Variants in PPP2R2C observed in about 807,000 individuals in gnomAD.
The protein encoded by PPP2R2C is protein phosphatase 2 regulatory subunit Bgamma, also known as protein phosphatase 2, regulatory subunit B, gamma.
PPP2R2C carries 10 observed loss-of-function variants against 45.3 expected under a neutral mutation model. That is an observed-to-expected ratio of 0.22 (90% CI 0.14 to 0.37). The LOEUF is 0.37. PPP2R2C is among the 10% of genes least tolerant of loss of function. The pLI is 1.00. For synonymous variants in PPP2R2C, 257 were observed against 245.4 expected, an observed-to-expected ratio of 1.05 and a Z score of -0.44; for missense variants, 308 against 619.7, an observed-to-expected ratio of 0.50 and a Z score of 5.34.
At chr4:6,375,748 G>A in intron 4 of PPP2R2C, 71 bp downstream of exon 4, 1 of 1,307,718 alleles carries the variant, frequency 7.6e-7, no homozygotes, top group Non-Finnish European at 1.1e-6. Context: ...AATCTCAAAG[G>A]CTTTTCCAGC....
chr4:6,518,920 CTT>C (rs1226254051), intron 2 of PPP2R2C, among the ~76,000 whole-genome samples: 1 of 28,690 alleles, frequency 3.5e-5, no homozygotes, highest in African/African-American at 1.3e-4. Flanking sequence ...AAGACTCTGT[CTT>C]AAAAAAAAAA....
At chr4:6,488,520 C>CA (rs1722598628) in intron 2 of PPP2R2C, among the ~76,000 whole-genome samples, 1 of 151,800 alleles carries the variant, frequency 6.6e-6, no homozygotes, top group South Asian at 2.1e-4. Flanking sequence ...CCTGTCTCTA[C>CA]AAAAAATGGA....
At chr4:6,529,951 C>T (rs1441993207) in intron 2 of PPP2R2C, among the ~76,000 whole-genome samples, 1 of 152,014 alleles carries the variant, frequency 6.6e-6, no homozygotes, top group Admixed American at 6.5e-5. Context: ...GTGACGGAGC[C>T]CACTATTCCC....
At chr4:6,507,356 G>A (rs894224845) in intron 2 of PPP2R2C, among the ~76,000 whole-genome samples, 1 of 152,222 alleles carries the variant, frequency 6.6e-6, no homozygotes, top group Non-Finnish European at 1.5e-5. Flanking sequence ...TTGGGCAAAT[G>A]TACTGATGCT....
intron 8 of PPP2R2C, among the ~76,000 whole-genome samples, chr4:6,325,957 T>C (rs989328210): frequency 6.6e-6 from 1 of 152,204 alleles, no homozygotes; most frequent in African/African-American, 2.4e-5. Context: ...GGAGAAGTGT[T>C]TGACTCCAGG....
At chr4:6,376,949 C>T (rs1005487082) in intron 3 of PPP2R2C, among the ~76,000 whole-genome samples, 1 of 152,178 alleles carries the variant, frequency 6.6e-6, no homozygotes, top group Non-Finnish European at 1.5e-5. Flanking sequence ...ATCAGAACAG[C>T]AGGTGCCCAG....
intron 2 of PPP2R2C, among the ~76,000 whole-genome samples, chr4:6,481,849 CG>C (rs1722362683): frequency 6.6e-6 from 1 of 151,880 alleles, no homozygotes; most frequent in Non-Finnish European, 1.5e-5. Flanking sequence ...CATGGTGGCA[CG>C]TGCCTGTAGT....
In PPP2R2C at chr4:6,383,741, C is replaced by A. The variant is rs200519881; in HGVS notation, c.71-2647G>T. On this transcript the variant is annotated intron_variant, in intron 1 of 8. Transcript: ENST00000382599. ...ATCATCTGTAGGCTCTCTTCCTGGC[C>A]AGAACGTAAACTTCATGAGGGCAGG... The A allele has an allele frequency of 8.1e-6, 7 of 864,816 alleles. No homozygotes were observed. In the East Asian group the frequency reaches 6.1e-4, roughly 75 times the overall value. The allele number at this position is 864,816 out of a possible 1,614,324, so 53.6% of individuals were successfully genotyped here.
intron 5 of PPP2R2C, among the ~76,000 whole-genome samples, chr4:6,361,214 G>A (rs879366331): frequency 6.6e-4 from 100 of 152,280 alleles, no homozygotes; most frequent in African/African-American, 2.1e-3. Context: ...TGCTGGAACC[G>A]TAGGAAAGGT....
intron 1 of PPP2R2C, among the ~76,000 whole-genome samples, chr4:6,420,282 A>C (rs1255519628): frequency 6.7e-6 from 1 of 150,082 alleles, no homozygotes; most frequent in Non-Finnish European, 1.5e-5. Context: ...CCCACTGCCA[A>C]TGTCTCCTTC....
chr4:6,512,209 GTGATGGTGGTGT>G (rs1723616232), intron 2 of PPP2R2C, among the ~76,000 whole-genome samples: 1 of 91,858 alleles, frequency 1.1e-5, no homozygotes. Context: ...GATGGTGGTG[GTGATGGTGGTGT>G]TGGTGGTGGT....
intron 6 of PPP2R2C, among the ~76,000 whole-genome samples, chr4:6,346,940 T>C (rs2109222296): frequency 6.6e-6 from 1 of 152,206 alleles, no homozygotes; most frequent in South Asian, 2.1e-4. Flanking sequence ...ATAAGCAAAG[T>C]CCCTGCCCTC....
intron 5 of PPP2R2C, chr4:6,350,170 A>G (rs1712408440): frequency 1.0e-6 from 1 of 985,340 alleles, no homozygotes; most frequent in African/African-American, 1.7e-5. Flanking sequence ...AAATAATGAA[A>G]AATGATACTG....
upstream of PPP2R2C, among the ~76,000 whole-genome samples, chr4:6,472,740 C>A (rs535329015): frequency 2.5e-3 from 385 of 151,890 alleles, 2 homozygotes; most frequent in African/African-American, 8.7e-3. Flanking sequence ...CGTGCTCGGG[C>A]CCTCGCGGTG....
At chr4:6,521,746 C>T (rs1285632284) in intron 2 of PPP2R2C, among the ~76,000 whole-genome samples, 1 of 152,214 alleles carries the variant, frequency 6.6e-6, no homozygotes, top group African/African-American at 2.4e-5. Context: ...CCTTGCCACA[C>T]ACTGCATCTG....
At chr4:6,474,899 A>G (rs1722086049), upstream of PPP2R2C, among the ~76,000 whole-genome samples, 7 of 149,000 alleles carry the variant, frequency 4.7e-5, 1 homozygote, top group South Asian at 1.3e-3. Context: ...GTATCTGCAC[A>G]CAGCCCTGCC....
At chr4:6,430,090 C>A (rs1315041989) in intron 1 of PPP2R2C, among the ~76,000 whole-genome samples, 10 of 152,154 alleles carry the variant, frequency 6.6e-5, no homozygotes, top group Non-Finnish European at 8.8e-5. Flanking sequence ...ACGATCAAGG[C>A]CTTGAATTTC....
intron 1 of PPP2R2C, among the ~76,000 whole-genome samples, chr4:6,438,321 A>T (rs567850497): frequency 2.7e-4 from 41 of 152,348 alleles, no homozygotes; most frequent in African/African-American, 9.4e-4. Flanking sequence ...CAGCCAGAGG[A>T]AGCAACTGAA....
chr4:6,492,673 C>T (rs1421824235), intron 2 of PPP2R2C, among the ~76,000 whole-genome samples: 1 of 152,186 alleles, frequency 6.6e-6, no homozygotes, highest in Non-Finnish European at 1.5e-5. Context: ...ATGATGTGCC[C>T]TAGGATCTCA....
Sources: gnomAD v4.1 joint callset for allele counts (sites outside exome capture counted in the v4.1 genomes callset) on GRCh38, gnomAD v4.1.1 for gene constraint, MANE v1.5 for transcripts, NCBI Gene and HGNC (gene_info 2026-07-23, HGNC 2026-07-21) for gene names.